The following ANO2 variants were observed in gnomAD, a reference collection of about 807,000 sequenced individuals.
ANO2 encodes anoctamin 2, also known as anoctamin-2.
In ANO2, 101 loss-of-function variants were observed where a neutral mutation model predicts 124.2. The ratio of observed to expected loss-of-function variants is 0.81; its 90% CI spans 0.69 to 0.96. The LOEUF (loss-of-function observed/expected upper bound fraction) is 0.96, where lower values mean the gene tolerates loss of function less well. ANO2 is among the 40% of genes least tolerant of loss of function. The probability of loss-of-function intolerance (pLI) is 0.00; values close to 1 mark genes in which losing one functional copy is unlikely to be tolerated. For missense variants in ANO2, 1,293 were observed against 1,274.5 expected (o/e 1.01, Z -0.22); for synonymous variants, 486 against 482.5 (o/e 1.01, Z -0.09).
chr12:5,744,627 G>C (rs1362747926), intron 11 of ANO2, among the ~76,000 whole-genome samples: 2 of 152,160 alleles, frequency 1.3e-5, no homozygotes, highest in Non-Finnish European at 2.9e-5. Context: ...CAGAACATCT[G>C]GGGTCCATGA....
At chr12:5,765,785 T>C (rs1477776068) in intron 10 of ANO2, among the ~76,000 whole-genome samples, 1 of 152,182 alleles carries the variant, frequency 6.6e-6, no homozygotes, top group Non-Finnish European at 1.5e-5. Context: ...ACAGGCCACA[T>C]AATGGGAACA....
At chr12:5,732,975 G>T in intron 13 of ANO2, 2 of 1,398,862 alleles carry the variant, frequency 1.4e-6, no homozygotes, top group Middle Eastern at 1.8e-4. Context: ...TTTCACCAGA[G>T]GCAGAGGGAT....
intron 7 of ANO2, among the ~76,000 whole-genome samples, chr12:5,807,779 C>T (rs564985090): frequency 6.6e-6 from 1 of 152,216 alleles, no homozygotes; most frequent in African/African-American, 2.4e-5. Context: ...CTCCTTCCTG[C>T]TGTTTCACAA....
chr12:5,797,701 C>A (rs971908974), intron 10 of ANO2, among the ~76,000 whole-genome samples: 2 of 152,256 alleles, frequency 1.3e-5, no homozygotes, highest in African/African-American at 4.8e-5. Context: ...TGCTGCCCAG[C>A]GTCCCATTCT....
intron 3 of ANO2, among the ~76,000 whole-genome samples, chr12:5,876,828 G>T (rs938000666): frequency 1.3e-5 from 2 of 152,162 alleles, no homozygotes; most frequent in African/African-American, 4.8e-5. Flanking sequence ...GGACCTGTCA[G>T]GGGTAGGGGG....
chr12:5,782,708 G>A (rs1323541947), intron 10 of ANO2, among the ~76,000 whole-genome samples: 2 of 152,140 alleles, frequency 1.3e-5, no homozygotes, highest in Non-Finnish European at 2.9e-5. Flanking sequence ...GCTGGAGCTG[G>A]GAGCCATTGC....
At position 5,744,153 on chromosome 12, in the gene ANO2, A is replaced by G. The variant is rs747365881; in HGVS notation, c.1351+4T>C. ...TATAAGCAAGCCTGGTGATGGCCAC[A>G]TACCCCACAGAGCCATGAAGATAGA... On this transcript the variant is annotated splice_donor_region_variant and intron_variant, in intron 12 of 24. Coordinates refer to ENST00000682330, the MANE Select transcript of ANO2 (RefSeq NM_001364791.2). 53 of 1,613,824 alleles carry G rather than the reference A, an allele frequency of 3.3e-5. No homozygotes were observed. Among genetic ancestry groups the G allele is most frequent in the Non-Finnish European group, 4.4e-5 (52 of 1,179,866 alleles).
chr12:5,701,098 T>C (rs1412625097), intron 14 of ANO2, among the ~76,000 whole-genome samples: 2 of 145,024 alleles, frequency 1.4e-5, no homozygotes, highest in Non-Finnish European at 3.0e-5. Context: ...TTTTTTTTTT[T>C]TTTTTTTTTT....
intron 7 of ANO2, among the ~76,000 whole-genome samples, chr12:5,827,345 T>C (rs147386647): frequency 2.6e-3 from 391 of 151,400 alleles, no homozygotes; most frequent in African/African-American, 8.9e-3. Context: ...AGGACAGTCA[T>C]GACCCCTCTC....
At chr12:5,735,579 A>G (rs1479987499) in intron 13 of ANO2, among the ~76,000 whole-genome samples, 2 of 152,202 alleles carry the variant, frequency 1.3e-5, no homozygotes, top group Non-Finnish European at 2.9e-5. Context: ...GCAGATGAGG[A>G]TAAGAATAGC....
intron 3 of ANO2, among the ~76,000 whole-genome samples, chr12:5,855,428 C>T (rs1411051463): frequency 2.0e-5 from 3 of 152,186 alleles, no homozygotes; most frequent in Non-Finnish European, 2.9e-5. Context: ...TCAATGGCAG[C>T]TCCAAAATAT....
chr12:5,805,170 T>C (rs749694566), intron 9 of ANO2, among the ~76,000 whole-genome samples: 1 of 152,222 alleles, frequency 6.6e-6, no homozygotes, highest in African/African-American at 2.4e-5. Flanking sequence ...AGACCTTTTA[T>C]GTTTTTAATA....
At chr12:5,813,063 G>GAA (rs879809920) in intron 7 of ANO2, among the ~76,000 whole-genome samples, 1 of 135,778 alleles carries the variant, frequency 7.4e-6, no homozygotes. Flanking sequence ...GAGGAAGGAA[G>GAA]GAAGACGAAA....
Position 5,902,342 on chromosome 12 carries a change from T to C in ANO2, c.534+18698A>G, listed in dbSNP as rs755526851. ...GTTCATGCCTTTAATCCCAGCACTT[T>C]GGGTGGCTGAGGCAGGAGGATGGCT... On this transcript the variant is annotated intron_variant, in intron 3 of 24. Coordinates refer to ENST00000682330, the MANE Select transcript of ANO2 (RefSeq NM_001364791.2). Among the ~76,000 whole-genome samples the C allele has an allele frequency of 6.6e-5, 10 of 152,002 alleles. No homozygotes were observed. In the East Asian group the frequency reaches 2.0e-3, roughly 30 times the overall value.
intron 7 of ANO2, among the ~76,000 whole-genome samples, chr12:5,823,540 T>C (rs1296838798): frequency 1.3e-5 from 2 of 152,242 alleles, no homozygotes; most frequent in Non-Finnish European, 2.9e-5. Context: ...TTGGTTCCCA[T>C]GGTCTTGGGC....
At chr12:5,641,990 G>C (rs1482912240) in intron 15 of ANO2, among the ~76,000 whole-genome samples, 1 of 152,062 alleles carries the variant, frequency 6.6e-6, no homozygotes, top group African/African-American at 2.4e-5. Flanking sequence ...ATTTGTTGTT[G>C]ATGATGATGA....
chr12:5,925,484 G>T lies in ANO2; in HGVS notation c.23-2680C>A, dbSNP rs971385567. On this transcript the variant is annotated intron_variant, in intron 1 of 24. Transcript: ENST00000682330. This position sits in a 1 kb window ranked among gnomAD's most constrained non-coding sequence, Gnocchi z 4.6. ...TCCCAGCCGTCCCAGCTCTGGAGAG[G>T]CACTCCAGGCAATAAAGACACAAGG... is the stretch of plus-strand genomic sequence containing the variant. 5.3e-5 allele frequency among the ~76,000 whole-genome samples: 8 copies of T among 152,154 alleles called. 1 individual carries two copies. In the East Asian group the frequency reaches 1.4e-3, roughly 26 times the overall value.
intron 4 of ANO2, among the ~76,000 whole-genome samples, chr12:5,846,357 A>G (rs1487742689): frequency 6.6e-6 from 1 of 152,210 alleles, no homozygotes; most frequent in Non-Finnish European, 1.5e-5. Flanking sequence ...AGTCTCTTCC[A>G]TAAAACTCCC....
chr12:5,800,865 GA>G (rs1953016533), intron 9 of ANO2, among the ~76,000 whole-genome samples: 1 of 152,200 alleles, frequency 6.6e-6, no homozygotes, highest in Non-Finnish European at 1.5e-5. Flanking sequence ...GTCATTAAAT[GA>G]TGGATGTTAT....
Sources: gnomAD v4.1 joint callset for allele counts (sites outside exome capture counted in the v4.1 genomes callset) on GRCh38, gnomAD v4.1.1 for gene constraint, Gnocchi (gnomAD v3.1) non-coding constraint, MANE v1.5 for transcripts, NCBI Gene and HGNC (gene_info 2026-07-23, HGNC 2026-07-21) for gene names.